The following ZNF732 variants were observed in gnomAD, a reference collection of about 807,000 sequenced individuals.
ZNF732 encodes zinc finger protein LOC654254.
ZNF732 carries 12 observed loss-of-function variants against 11.5 expected under a neutral mutation model. The observed-to-expected ratio is 1.05, with a 90% CI of 0.67 to 1.70. The LOEUF (loss-of-function observed/expected upper bound fraction) is 1.70, where lower values mean the gene tolerates loss of function less well. ZNF732 is among the 40% of genes most tolerant of loss of function. The probability of loss-of-function intolerance (pLI) is 0.00; values close to 1 mark genes in which losing one functional copy is unlikely to be tolerated. For synonymous variants in ZNF732, 231 were observed against 236.5 expected (o/e 0.98, Z 0.21); for missense variants, 702 against 676.9 (o/e 1.04, Z -0.41).
intron 3 of ZNF732, among the ~76,000 whole-genome samples, chr4:286,265 T>C (rs1226694323): frequency 6.6e-6 from 1 of 152,234 alleles, no homozygotes; most frequent in Non-Finnish European, 1.5e-5. Context: ...TATGAAGCTA[T>C]AGTTATTGAA....
Position 270,938 on chromosome 4 carries a change from G to GT in ZNF732, c.*160dup, listed in dbSNP as rs1378781295. 6 of 777,286 alleles carry GT rather than the reference G, an allele frequency of 7.7e-6. No individual in the cohort carries two copies. Among genetic ancestry groups the GT allele is most frequent in the African/African-American group, 1.7e-5 (1 of 57,718 alleles). The allele number at this position is 777,286 out of a possible 1,614,324, so 48.1% of individuals were successfully genotyped here. ...TTCCCACATTCTTTACATTTGTAGG[G>GT]TTTTTCTCCAGTATGAATTCTTACT... On this transcript the variant is annotated 3_prime_UTR_variant, in exon 4 of 4. Transcript: ENST00000419098.
In ZNF732 at chr4:271,456, A is replaced by T. The variant is rs1719357947; in HGVS notation, c.1401T>A (p.Ile467=). The T allele has an allele frequency of 6.2e-7, 1 of 1,607,190 alleles. No individual in the cohort carries two copies. The highest frequency in any genetic ancestry group is 1.3e-5 in the African/African-American group (1 of 74,628). ...WSAYLSKHKK[I]HTGEKPYRCE... ...ATCTATAAGGTTTCTCTCCAGTATG[A>T]ATTTTCTTATGTTTACTCAGGTATG... is the stretch of plus-strand genomic sequence containing the variant. The change falls in exon 4 of 4, where the codon ATT becomes ATA. Residue 467 remains isoleucine (I), a synonymous_variant. Transcript: ENST00000419098.
chr4:277,489 G>T (rs1348491216), intron 3 of ZNF732, among the ~76,000 whole-genome samples: 1 of 151,668 alleles, frequency 6.6e-6, no homozygotes, highest in African/African-American at 2.4e-5. Context: ...AAGAAATACA[G>T]ATGGCCAAAA....
intron 3 of ZNF732, among the ~76,000 whole-genome samples, chr4:285,226 C>T (rs1719705990): frequency 2.0e-5 from 3 of 152,038 alleles, no homozygotes; most frequent in Admixed American, 2.0e-4. Context: ...ATCAAGAACC[C>T]AAGAGTGAGG....
In ZNF732 at chr4:270,937, G is replaced by A. The variant is rs1719337662; in HGVS notation, c.*162C>T. ...TTTCCCACATTCTTTACATTTGTAGGGTTTTTCTCCAGTATGAATTCTTAC... is the reference window on the plus strand; with the variant it reads ...TTTCCCACATTCTTTACATTTGTAGAGTTTTTCTCCAGTATGAATTCTTAC... On this transcript the variant is annotated 3_prime_UTR_variant, in exon 4 of 4. Transcript: ENST00000419098. The A allele has an allele frequency of 1.2e-5, 9 of 771,250 alleles. No homozygotes were observed. The highest frequency in any genetic ancestry group is 2.3e-4 in the Middle Eastern group (1 of 4,364). 47.8% of individuals were successfully genotyped at this position (771,250 alleles called of 1,614,324 possible). A position where few individuals can be genotyped will look rare whatever the true frequency, so the allele number is the denominator to read the frequency against.
chr4:292,800 A>C lies in ZNF732; in HGVS notation c.226+2638T>G, dbSNP rs184948543. On this transcript the variant is annotated intron_variant, in intron 3 of 3. Coordinates refer to ENST00000419098, the MANE Select transcript of ZNF732 (RefSeq NM_001137608.3). Reference sequence around the variant, plus strand: ...AGTGGCTCACGCCTGTAATCCCAACACTTTGGGAGGCTCAGGTGGGCGGAT... The same window carrying C: ...AGTGGCTCACGCCTGTAATCCCAACCCTTTGGGAGGCTCAGGTGGGCGGAT... Among the ~76,000 whole-genome samples the C allele has an allele frequency of 2.7e-5, 4 of 145,622 alleles. No homozygotes were observed. In the East Asian group the frequency reaches 8.2e-4, roughly 30 times the overall value.
intron 3 of ZNF732, among the ~76,000 whole-genome samples, chr4:284,393 G>C (rs1025586248): frequency 1.3e-5 from 2 of 151,890 alleles, no homozygotes; most frequent in South Asian, 2.1e-4. Context: ...ATAGAAATAG[G>C]ACATATCAAA....
rs1466522547 is a variant in ZNF732 at position 271,853 on chromosome 4, G to A, written c.1004C>T (p.Thr335Ile). 6.2e-7 allele frequency: 1 copy of A among 1,612,588 alleles called. No homozygotes were observed. Among genetic ancestry groups the A allele is most frequent in the South Asian group, 1.1e-5 (1 of 90,980 alleles). ...NRIHTGEKPY[T>I]CEECGKAFSR... The stretch of plus-strand genomic sequence containing the variant: ...AAAGGCTTTGCCACATTCTTCACAT[G>A]TGTAGGGTTTCTCTCCAGTATGAAT... Residue 335 changes from threonine to isoleucine, a missense_variant, in exon 4 of 4, where the codon ACA (threonine) becomes ATA (isoleucine). Physicochemically the swap from Thr to Ile is moderately conservative, Grantham distance 89. Transcript: ENST00000419098.
At chr4:276,186 TA>T (rs1719491795) in intron 3 of ZNF732, among the ~76,000 whole-genome samples, 1 of 151,684 alleles carries the variant, frequency 6.6e-6, no homozygotes, top group African/African-American at 2.4e-5. Context: ...CTAGGCAGGG[TA>T]AAACCACCAT....
Position 272,393 on chromosome 4 carries a change from T to A in ZNF732, c.464A>T (p.Asn155Ile). The change falls in exon 4 of 4, where the codon AAT becomes ATT. Residue 155 changes from asparagine (N) to isoleucine (I), a missense_variant. This residue lies in a region of ZNF732 where 596 missense variants were observed against 557.9 expected (regional missense o/e 1.07). Transcript: ENST00000419098. ...ATGTCTTATCCTACGTTGGTTTGAA[T>A]TTGAAAATGTACTAAATACTTTGAC... ...VHVKVFSTFS[N>I]SNQRRIRHTG... 6.3e-7 allele frequency: 1 copy of A among 1,597,954 alleles called. No individual in the cohort carries two copies. The highest frequency in any genetic ancestry group is 1.1e-5 in the South Asian group (1 of 89,526).
chr4:289,962 T>C (rs1024092757), intron 3 of ZNF732, among the ~76,000 whole-genome samples: 1 of 152,316 alleles, frequency 6.6e-6, no homozygotes, highest in East Asian at 1.9e-4. Flanking sequence ...CCTTCAACAG[T>C]TGAATAATTT....
intron 1 of ZNF732, 72 bp downstream of exon 1, chr4:305,236 C>A: frequency 1.3e-6 from 2 of 1,566,756 alleles, no homozygotes; most frequent in Non-Finnish European, 1.7e-6. Context: ...CAGACTCCGT[C>A]CCGCCGCCGC....
At chr4:300,530 AC>A (rs1720095388) in intron 1 of ZNF732, among the ~76,000 whole-genome samples, 1 of 152,130 alleles carries the variant, frequency 6.6e-6, no homozygotes, top group South Asian at 2.1e-4. Flanking sequence ...ATTACAAAAG[AC>A]AAATAGTTCA....
intron 1 of ZNF732, 114 bp downstream of exon 1, chr4:305,194 G>A: frequency 2.8e-6 from 4 of 1,418,508 alleles, no homozygotes; most frequent in Non-Finnish European, 3.8e-6. Flanking sequence ...CAAGGACTGA[G>A]GGCTGAGCGG....
Position 271,684 on chromosome 4 carries a change from T to C in ZNF732, c.1173A>G (p.Thr391=). The C allele has an allele frequency of 6.2e-7, 1 of 1,612,316 alleles. No individual in the cohort carries two copies. Among genetic ancestry groups the C allele is most frequent in the South Asian group, 1.1e-5 (1 of 90,892 alleles). The stretch of plus-strand genomic sequence containing the variant: ...TAAAGGCTTTTCCACATTCTTCACA[T>C]GTGTAGGGTTTCTCTCCAGTATGAA... ...KSIHTGEKPY[T]CEECGKAFSR... The change falls in exon 4 of 4, where the codon ACA becomes ACG. Residue 391 remains threonine, a synonymous_variant. Transcript: ENST00000419098.
chr4:304,480 A>G (rs1235000124), intron 1 of ZNF732, among the ~76,000 whole-genome samples: 8 of 152,084 alleles, frequency 5.3e-5, no homozygotes, highest in Non-Finnish European at 8.8e-5. Flanking sequence ...TCAATGCTCC[A>G]ACCCCAACGC....
chr4:299,437 A>ATCTATATATATACACATATGTG, intron 1 of ZNF732, among the ~76,000 whole-genome samples: 1 of 11,920 alleles, frequency 8.4e-5, no homozygotes, highest in Non-Finnish European at 1.4e-4. Flanking sequence ...ACATATGTGT[A>ATCTATATATATACACATATGTG]TATATATATA....
At chr4:283,719 T>C (rs181812871) in intron 3 of ZNF732, among the ~76,000 whole-genome samples, 18 of 152,226 alleles carry the variant, frequency 1.2e-4, no homozygotes, top group Admixed American at 1.2e-3. Flanking sequence ...AAGAAAACAA[T>C]TGCTTGCATA....
rs1719718263 is a variant in ZNF732, at chr4:285,773, T to C, written c.226+9665A>G. On this transcript the variant is annotated intron_variant, in intron 3 of 3. Coordinates refer to ENST00000419098, the MANE Select transcript of ZNF732 (RefSeq NM_001137608.3). Reference sequence around the variant, plus strand: ...ATGTGTTTTTGAGACAATGTCTCACTTTGTCACCCAGGCTACAGTACAGTG... The same window carrying C: ...ATGTGTTTTTGAGACAATGTCTCACCTTGTCACCCAGGCTACAGTACAGTG... Among the ~76,000 whole-genome samples the C allele has an allele frequency of 1.3e-5, 2 of 152,224 alleles. 1 individual carries two copies. Among genetic ancestry groups the C allele is most frequent in the South Asian group, 4.1e-4 (2 of 4,836 alleles).
Sources: allele counts gnomAD v4.1 joint callset (sites outside exome capture counted in the v4.1 genomes callset), GRCh38; gene constraint gnomAD v4.1.1; regional missense constraint gnomAD v4.1.1; transcripts MANE v1.5; gene names NCBI Gene and HGNC (gene_info 2026-07-23, HGNC 2026-07-21).